PCDH15: variants seen among roughly 807,000 people sequenced by gnomAD.
PCDH15 encodes the protein protocadherin related 15.
PCDH15 carries 129 observed loss-of-function variants against 178.5 expected under a neutral mutation model. That is an observed-to-expected ratio of 0.72 (90% CI 0.63 to 0.84). PCDH15 has a LOEUF of 0.84. Ranked by LOEUF, PCDH15 falls within the 40% of genes least tolerant of loss-of-function variation. The probability of loss-of-function intolerance (pLI) is 0.00; values close to 1 mark genes in which losing one functional copy is unlikely to be tolerated. For missense variants in PCDH15, 2,230 were observed against 2,099.9 expected (o/e 1.06, Z -1.21); for synonymous variants, 800 against 732.0 (o/e 1.09, Z -1.50).
At chr10:54,431,298 TA>T (rs923933459) in intron 3 of PCDH15, among the ~76,000 whole-genome samples, 1 of 149,118 alleles carries the variant, frequency 6.7e-6, no homozygotes, top group Non-Finnish European at 1.5e-5. Context: ...GACAAAGACA[TA>T]AAAAAAAACT....
intron 2 of PCDH15, among the ~76,000 whole-genome samples, chr10:54,933,567 G>C (rs1034714319): frequency 1.3e-5 from 2 of 152,018 alleles, no homozygotes; most frequent in African/African-American, 2.4e-5. Flanking sequence ...AAATTTGTCT[G>C]ATACAGGAAA....
intron 2 of PCDH15, among the ~76,000 whole-genome samples, chr10:55,032,088 A>C (rs1055322110): frequency 5.3e-5 from 8 of 152,204 alleles, no homozygotes; most frequent in Admixed American, 4.6e-4. Flanking sequence ...AGGGCTCAGA[A>C]GAGGAGAACT....
At chr10:55,061,711 T>C (rs965078318) in intron 2 of PCDH15, among the ~76,000 whole-genome samples, 1 of 152,146 alleles carries the variant, frequency 6.6e-6, no homozygotes, top group Non-Finnish European at 1.5e-5. Flanking sequence ...AATATATTAC[T>C]CAGGGCACTA....
At chr10:53,868,713 C>T (rs1211983830) in intron 26 of PCDH15, among the ~76,000 whole-genome samples, 1 of 152,118 alleles carries the variant, frequency 6.6e-6, no homozygotes, top group Admixed American at 6.5e-5. Context: ...TATTGTGAAC[C>T]ATTTAAAACG....
At chr10:55,413,725 AGCAAGTGTTGGATTGCATC>A (rs1261666956) in intron 2 of PCDH15, among the ~76,000 whole-genome samples, 1 of 151,774 alleles carries the variant, frequency 6.6e-6, no homozygotes, top group African/African-American at 2.4e-5. Flanking sequence ...TGTCTTTATA[AGCAAGTGTTGGATTGCATC>A]TTAACACACT....
chr10:54,025,927 T>C (rs1000939945), intron 18 of PCDH15, among the ~76,000 whole-genome samples: 1 of 152,200 alleles, frequency 6.6e-6, no homozygotes, highest in African/African-American at 2.4e-5. Context: ...TAAGGGCATG[T>C]AAGATTACAT....
At chr10:55,090,282 A>G (rs565100809) in intron 2 of PCDH15, among the ~76,000 whole-genome samples, 1 of 152,194 alleles carries the variant, frequency 6.6e-6, no homozygotes, top group South Asian at 2.1e-4. Context: ...AAAATACCAA[A>G]ACAAGAATTA....
intron 1 of PCDH15, among the ~76,000 whole-genome samples, chr10:54,796,721 C>G (rs1284809039): frequency 6.6e-6 from 1 of 151,780 alleles, no homozygotes; most frequent in South Asian, 2.1e-4. Context: ...GTGTGACTAT[C>G]CCTGTATCTC....
intron 8 of PCDH15, among the ~76,000 whole-genome samples, chr10:54,279,144 T>C (rs141235002): frequency 0.011 from 1,657 of 151,680 alleles, 30 homozygotes; most frequent in African/African-American, 0.037. Context: ...AATATCAATA[T>C]TAAATATTAG....
chr10:55,148,883 A>G (rs1033932296), intron 2 of PCDH15, among the ~76,000 whole-genome samples: 5 of 149,464 alleles, frequency 3.3e-5, no homozygotes, highest in African/African-American at 1.2e-4. Flanking sequence ...TTTCAGCAAG[A>G]TTTCTTGAAA....
intron 2 of PCDH15, among the ~76,000 whole-genome samples, chr10:54,610,462 T>C (rs1032652450): frequency 2.0e-5 from 3 of 151,928 alleles, no homozygotes; most frequent in African/African-American, 4.8e-5. Flanking sequence ...AACTAATATT[T>C]CCAAGATCAC....
intron 2 of PCDH15, among the ~76,000 whole-genome samples, chr10:55,446,097 G>A (rs1839309742): frequency 1.3e-5 from 2 of 151,966 alleles, no homozygotes; most frequent in Non-Finnish European, 2.9e-5. Flanking sequence ...TCCTATATGG[G>A]GAGTTTCTAA....
intron 32 of PCDH15, chr10:53,822,718 A>C (rs1359344805): frequency 6.2e-7 from 1 of 1,614,092 alleles, no homozygotes; most frequent in African/African-American, 1.3e-5. Flanking sequence ...GTGGAGAATG[A>C]GAAGTGAGGC....
chr10:53,840,365 A>C lies in PCDH15; in HGVS notation c.3938T>G (p.Ile1313Ser). The C allele has an allele frequency of 6.2e-7, 1 of 1,614,174 alleles. No homozygotes were observed. The highest frequency in any genetic ancestry group is 8.5e-7 in the Non-Finnish European group (1 of 1,180,020). ...YTKCDLTVYA[I>S]DPQTNRAIDR... Reference sequence around the variant, plus strand: ...GATGGCTCTGTTGGTTTGGGGGTCAATTGCATAGACAGTCAAGTCACATTT... The same window carrying C: ...GATGGCTCTGTTGGTTTGGGGGTCACTTGCATAGACAGTCAAGTCACATTT... Residue 1313 changes from isoleucine (I) to serine (S), a missense_variant, in exon 29 of 38, where the codon ATT becomes AGT. By Grantham distance (142) the Ile-to-Ser change is moderately radical (BLOSUM62 -2). Transcript: ENST00000644397.
intron 1 of PCDH15, among the ~76,000 whole-genome samples, chr10:55,210,544 A>T (rs555893053): frequency 1.4e-5 from 2 of 147,154 alleles, no homozygotes; most frequent in East Asian, 4.2e-4. Flanking sequence ...TAGTTGAAGC[A>T]TGGAGGAATT....
intron 2 of PCDH15, among the ~76,000 whole-genome samples, chr10:55,593,470 T>C (rs1256676424): frequency 1.3e-5 from 2 of 151,872 alleles, no homozygotes; most frequent in Non-Finnish European, 2.9e-5. Context: ...TCCGAGAAGA[T>C]AAAGACGAAT....
intron 2 of PCDH15, among the ~76,000 whole-genome samples, chr10:55,334,252 G>T (rs1171677366): frequency 1.9e-5 from 2 of 104,062 alleles, no homozygotes; most frequent in Non-Finnish European, 3.5e-5. Flanking sequence ...ATGTGTGTGT[G>T]TGTGTGTGTG....
intron 1 of PCDH15, among the ~76,000 whole-genome samples, chr10:54,779,488 G>GTATATATATACACAAATATATGTGTGTA (rs1950116449): frequency 1.9e-5 from 1 of 53,290 alleles, no homozygotes; most frequent in East Asian, 6.8e-4. Context: ...ACATATATAT[G>GTATATATATACACAAATATATGTGTGTA]TATATATATA....
chr10:55,332,876 C>A (rs987364219), intron 2 of PCDH15, among the ~76,000 whole-genome samples: 1 of 152,116 alleles, frequency 6.6e-6, no homozygotes, highest in South Asian at 2.1e-4. Flanking sequence ...TAAACCTTTT[C>A]TTCTTTATAA....
Sources: allele counts gnomAD v4.1 joint callset (sites outside exome capture counted in the v4.1 genomes callset), GRCh38; gene constraint gnomAD v4.1.1; transcripts MANE v1.5; gene names NCBI Gene and HGNC (gene_info 2026-07-23, HGNC 2026-07-21).